The following LRP6 variants were observed in gnomAD, a reference collection of about 807,000 sequenced individuals.
The protein encoded by LRP6 is low-density lipoprotein receptor-related protein 6.
Under a neutral mutation model 184.1 loss-of-function variants are expected in LRP6, and 43 were observed. That is an observed-to-expected ratio of 0.23 (90% CI 0.18 to 0.30). The LOEUF is 0.30. Among genes scored for constraint, LRP6 ranks in the 10% least tolerant of loss-of-function variants. The pLI is 1.00. For synonymous variants in LRP6, 719 were observed against 684.9 expected (o/e 1.05, Z -0.78); for missense variants, 1,571 against 2,005.3 (o/e 0.78, Z 4.14).
chr12:12,145,484 A>G (rs1489928139), intron 15 of LRP6, among the ~76,000 whole-genome samples: 1 of 151,366 alleles, frequency 6.6e-6, no homozygotes, highest in African/African-American at 2.4e-5. Flanking sequence ...ACTGACATGT[A>G]TGTCTGTTTC....
chr12:12,249,736 T>G (rs908665439), intron 1 of LRP6, among the ~76,000 whole-genome samples: 9 of 145,342 alleles, frequency 6.2e-5, no homozygotes, highest in South Asian at 2.1e-4. Context: ...AGGAAGGAAA[T>G]AAATTAATTA....
In LRP6 at chr12:12,131,980, C is replaced by T. The variant is rs1343884118; in HGVS notation, c.3811G>A (p.Asp1271Asn). The part of the protein sequence containing the change: ...IDCIPVAWRC[D>N]GFTECEDHSD... ...TGGTCTTCACATTCAGTAAACCCAT[C>T]GCACCGCCAAGCCACAGGGATACAG... Residue 1271 changes from aspartate to asparagine, a missense_variant, in exon 18 of 23, where the codon GAT (aspartate) becomes AAT (asparagine). By Grantham distance (23) the Asp-to-Asn change is conservative (BLOSUM62 1). This residue lies in a region of LRP6 where 763 missense variants were observed against 859.5 expected (regional missense o/e 0.89). Coordinates refer to ENST00000261349, the MANE Select transcript of LRP6 (RefSeq NM_002336.3). 6.2e-6 allele frequency: 10 copies of T among 1,613,988 alleles called. No individual in the cohort carries two copies. The highest frequency in any genetic ancestry group is 2.2e-5 in the East Asian group (1 of 44,890).
In LRP6 at chr12:12,129,562, T is replaced by C. The variant is rs1591865105; in HGVS notation, c.4081+1221A>G. ...TGATCAACACCCAGTCTTTTTTTTC[T>C]TTTTTTTTGAGATGGAGTCTCGCCC... On this transcript the variant is annotated intron_variant, in intron 19 of 22. Transcript: ENST00000261349. Among the ~76,000 whole-genome samples, 4 of 150,860 alleles carry C rather than the reference T, an allele frequency of 2.7e-5. No individual in the cohort carries two copies. The South Asian group carries it at 8.3e-4, about 31-fold the overall frequency.
At position 12,159,109 on chromosome 12, in the gene LRP6, G is replaced by A. The variant is rs1204349648; in HGVS notation, c.2511C>T (p.Gly837=). 4 of 1,614,146 alleles carry A rather than the reference G, an allele frequency of 2.5e-6. No homozygotes were observed. Among genetic ancestry groups the A allele is most frequent in the East Asian group, 2.2e-5 (1 of 44,886 alleles). The part of the protein sequence containing the change: ...VIADDLPHPF[G]LTQYQDYIYW... ...AGATATAATCTTGGTACTGAGTTAA[G>A]CCAAAAGGATGAGGCAAGTCATCTG... Residue 837 remains glycine (G), a synonymous_variant, in exon 12 of 23, where the codon GGC becomes GGT. Transcript: ENST00000261349.
At chr12:12,220,593 T>G (rs922197365) in intron 2 of LRP6, among the ~76,000 whole-genome samples, 28 of 132,596 alleles carry the variant, frequency 2.1e-4, no homozygotes, top group African/African-American at 7.5e-4. Flanking sequence ...ACGCATATTT[T>G]TCTTAGTTTT....
At chr12:12,254,143 C>CAAAAAAAAAAAAAAAAAA (rs34210761) in intron 1 of LRP6, among the ~76,000 whole-genome samples, 5 of 74,364 alleles carry the variant, frequency 6.7e-5, no homozygotes, top group Non-Finnish European at 1.2e-4. Context: ...GACTCTGTCT[C>CAAAAAAAAAAAAAAAAAA]AAAAAAAAAA....
intron 15 of LRP6, among the ~76,000 whole-genome samples, chr12:12,146,380 C>T (rs1007962771): frequency 6.6e-6 from 1 of 152,150 alleles, no homozygotes; most frequent in Admixed American, 6.5e-5. Context: ...TCAACGTTAA[C>T]ATATTTTTGC....
chr12:12,133,428 ACT>A (rs984581406), intron 17 of LRP6, among the ~76,000 whole-genome samples: 3 of 150,180 alleles, frequency 2.0e-5, no homozygotes, highest in African/African-American at 4.9e-5. Context: ...CCTCTAGCCT[ACT>A]CTCTCTCTCT....
rs1949743772 is a variant in LRP6, at chr12:12,130,995, T to C, written c.3971-102A>G. 16 of 712,882 alleles carry C rather than the reference T, an allele frequency of 2.2e-5. No individual in the cohort carries two copies. The East Asian group carries it at 4.3e-4, about 19-fold the overall frequency. The allele number at this position is 712,882 out of a possible 1,614,324, so 44.2% of individuals were successfully genotyped here. A position where few individuals can be genotyped will look rare whatever the true frequency, so the allele number is the denominator to read the frequency against. On this transcript the variant is annotated intron_variant, in intron 18 of 22. Coordinates refer to ENST00000261349, the MANE Select transcript of LRP6 (RefSeq NM_002336.3). The stretch of plus-strand genomic sequence containing the variant: ...CTTCTGAACACAAATGAAAAACAAA[T>C]TAGACTTTTAGCTATAACTTAAATA...
intron 2 of LRP6, among the ~76,000 whole-genome samples, chr12:12,231,488 T>A (rs770556434): frequency 6.6e-6 from 1 of 152,110 alleles, no homozygotes; most frequent in East Asian, 1.9e-4. Context: ...TGCCCCTACA[T>A]AGGTTTAGAG....
At chr12:12,228,987 CAGGGA>C (rs1479567213) in intron 2 of LRP6, among the ~76,000 whole-genome samples, 1 of 152,096 alleles carries the variant, frequency 6.6e-6, no homozygotes, top group Non-Finnish European at 1.5e-5. Flanking sequence ...GGACATGGTA[CAGGGA>C]TGTGATGCAG....
intron 2 of LRP6, among the ~76,000 whole-genome samples, chr12:12,206,451 G>A (rs767695568): frequency 5.9e-5 from 9 of 151,418 alleles, no homozygotes; most frequent in Non-Finnish European, 1.2e-4. Context: ...GCTGAGGCAG[G>A]AGAATGGCGT....
At chr12:12,233,019 G>C (rs1014704082) in intron 2 of LRP6, among the ~76,000 whole-genome samples, 7 of 152,114 alleles carry the variant, frequency 4.6e-5, no homozygotes, top group African/African-American at 1.7e-4. Context: ...CTACAATATA[G>C]GACAACTTCT....
At chr12:12,132,287 T>C (rs558250162) in intron 17 of LRP6, among the ~76,000 whole-genome samples, 2 of 152,332 alleles carry the variant, frequency 1.3e-5, no homozygotes, top group Admixed American at 1.3e-4. Flanking sequence ...GCAAAAGTTT[T>C]TTCATATCTT....
intron 2 of LRP6, among the ~76,000 whole-genome samples, chr12:12,238,518 G>A (rs1473465539): frequency 1.3e-5 from 2 of 151,902 alleles, no homozygotes; most frequent in African/African-American, 4.8e-5. Flanking sequence ...ATCAAGAGAA[G>A]CTTTTAAAAA....
In LRP6 at chr12:12,132,011, T is replaced by A. The variant is rs944763065; in HGVS notation, c.3780A>T (p.Glu1260Asp). 6.2e-7 allele frequency: 1 copy of A among 1,614,056 alleles called. No individual in the cohort carries two copies. Among genetic ancestry groups the A allele is most frequent in the Non-Finnish European group, 8.5e-7 (1 of 1,180,040 alleles). ...GCCAAGCCACAGGGATACAGTCAAT[T>A]TCCCCCGTGAAACAAGTAAACTGCT... Reference protein sequence around the residue: ...SPQQFTCFTGEIDCIPVAWRC... With the variant: ...SPQQFTCFTGDIDCIPVAWRC... The change falls in exon 18 of 23, where the codon GAA becomes GAT. Residue 1260 changes from glutamate (E) to aspartate (D), a missense_variant. Physicochemically the swap from Glu to Asp is conservative, Grantham distance 45. Coordinates refer to ENST00000261349, the MANE Select transcript of LRP6 (RefSeq NM_002336.3).
chr12:12,244,309 C>A lies in LRP6; in HGVS notation c.402G>T (p.Trp134Cys). ...TAGCTCTGGGTTGATCCAACTCTTGCCAAAATAAAACTTTTCGTAAAGATC... is the reference window on the plus strand; with the variant it reads ...TAGCTCTGGGTTGATCCAACTCTTGACAAAATAAAACTTTTCGTAAAGATC... ...LDGSLRKVLF[W>C]QELDQPRAIA... The change falls in exon 2 of 23, where the codon TGG becomes TGT. Residue 134 changes from tryptophan to cysteine, a missense_variant. By Grantham distance (215) the Trp-to-Cys change is radical. Transcript: ENST00000261349. 1 of 1,614,098 alleles carries A rather than the reference C, an allele frequency of 6.2e-7. No homozygotes were observed. The highest frequency in any genetic ancestry group is 8.5e-7 in the Non-Finnish European group (1 of 1,180,036).
intron 2 of LRP6, among the ~76,000 whole-genome samples, chr12:12,206,128 T>C (rs901345798): frequency 6.6e-5 from 10 of 152,234 alleles, no homozygotes; most frequent in African/African-American, 2.4e-4. Flanking sequence ...CTGTACCATC[T>C]AGGTTTGTGT....
chr12:12,261,301 G>A (rs1220506353), intron 1 of LRP6, among the ~76,000 whole-genome samples: 7 of 151,716 alleles, frequency 4.6e-5, no homozygotes, highest in Non-Finnish European at 1.5e-5. Context: ...GCGCCTATAG[G>A]CTGAGGCAGG....
Sources: gnomAD v4.1 joint callset for allele counts (sites outside exome capture counted in the v4.1 genomes callset) on GRCh38, gnomAD v4.1.1 for gene constraint, gnomAD v4.1.1 regional missense constraint, MANE v1.5 for transcripts, NCBI Gene and HGNC (gene_info 2026-07-23, HGNC 2026-07-21) for gene names.